DCT: variants seen among roughly 807,000 people sequenced by gnomAD.
DCT encodes L-dopachrome tautomerase.
In DCT, 47 loss-of-function variants were observed where a neutral mutation model predicts 53.0. That is an observed-to-expected ratio of 0.89 (90% CI 0.70 to 1.13). DCT has a LOEUF of 1.13. Ranked by LOEUF, DCT falls within the 50% of genes most tolerant of loss-of-function variation. The pLI is 0.00. For synonymous variants in DCT, 244 were observed against 237.0 expected, an observed-to-expected ratio of 1.03 and a Z score of -0.27; for missense variants, 669 against 637.4, an observed-to-expected ratio of 1.05 and a Z score of -0.53.
chr13:94,477,066 A>G (rs1385529108), intron 1 of DCT, among the ~76,000 whole-genome samples: 1 of 152,208 alleles, frequency 6.6e-6, no homozygotes, highest in Non-Finnish European at 1.5e-5. Flanking sequence ...AAATATTACT[A>G]CAAAATGATT....
At chr13:94,476,429 G>A (rs1885089082) in intron 1 of DCT, among the ~76,000 whole-genome samples, 1 of 149,544 alleles carries the variant, frequency 6.7e-6, no homozygotes, top group Non-Finnish European at 1.5e-5. Context: ...AGGATTCTAT[G>A]CAATGCAGAT....
the DCT span, among the ~76,000 whole-genome samples, chr13:94,499,412 T>C: frequency 6.6e-6 from 1 of 152,084 alleles, no homozygotes; most frequent in Non-Finnish European, 1.5e-5. Flanking sequence ...CATAAAGATA[T>C]ATGCTCCCAT....
At chr13:94,445,015 A>T (rs1882627250) in intron 6 of DCT, among the ~76,000 whole-genome samples, 1 of 152,244 alleles carries the variant, frequency 6.6e-6, no homozygotes, top group South Asian at 2.1e-4. Context: ...TGCAAAGCTT[A>T]GCATACAACC....
At chr13:94,465,114 C>T (rs1480692781) in intron 4 of DCT, among the ~76,000 whole-genome samples, 1 of 152,186 alleles carries the variant, frequency 6.6e-6, no homozygotes, top group Non-Finnish European at 1.5e-5. Context: ...TTTGTGTATA[C>T]ATCTATTACA....
chr13:94,511,562 G>A, the DCT span, among the ~76,000 whole-genome samples: 1 of 151,984 alleles, frequency 6.6e-6, no homozygotes, highest in African/African-American at 2.4e-5. Flanking sequence ...GTTTCACCAT[G>A]TTGGCCAGGC....
the DCT span, among the ~76,000 whole-genome samples, chr13:94,499,277 G>GGTCTGCGGCTTCATTTTTGAA: frequency 6.6e-6 from 1 of 152,140 alleles, no homozygotes; most frequent in Admixed American, 6.5e-5. Context: ...TCACCGTGAA[G>GGTCTGCGGCTTCATTTTTGAA]GTCTGCGGCT....
chr13:94,481,782 G>C (rs1173026500), upstream of DCT, among the ~76,000 whole-genome samples: 1 of 152,154 alleles, frequency 6.6e-6, no homozygotes, highest in East Asian at 1.9e-4. Flanking sequence ...CCCAAGTTGA[G>C]AACTTTTGCT....
chr13:94,520,148 T>G, the DCT span, among the ~76,000 whole-genome samples: 1 of 152,206 alleles, frequency 6.6e-6, no homozygotes, highest in Non-Finnish European at 1.5e-5. Flanking sequence ...GTACTCAGTA[T>G]GCAAAACAAT....
the DCT span, among the ~76,000 whole-genome samples, chr13:94,534,523 C>A: frequency 6.6e-6 from 1 of 152,218 alleles, no homozygotes; most frequent in African/African-American, 2.4e-5. Flanking sequence ...GGTGTGGGAA[C>A]AAGAGCAGCT....
chr13:94,475,824 T>A (rs1885037594), intron 1 of DCT, among the ~76,000 whole-genome samples: 1 of 152,264 alleles, frequency 6.6e-6, no homozygotes, highest in Admixed American at 6.5e-5. Context: ...TTATGTGCAG[T>A]GTTCTGTGTA....
Position 94,456,183 on chromosome 13 carries a change from C to A in DCT, c.1179+3908G>T, listed in dbSNP as rs1285496316. Among the ~76,000 whole-genome samples the A allele has an allele frequency of 6.6e-5, 10 of 152,328 alleles. No homozygotes were observed. The South Asian group carries it at 8.3e-4, about 13-fold the overall frequency. ...GACCATTAATTCAGACTTCTGACAA[C>A]CCCTTCATTTATTGCTACTATGCAA... On this transcript the variant is annotated intron_variant, in intron 6 of 7. Transcript: ENST00000377028.
At chr13:94,472,568 ATTTTTTTTTTTTTTTTTTTT>A (rs869190962) in intron 1 of DCT, among the ~76,000 whole-genome samples, 6 of 15,034 alleles carry the variant, frequency 4.0e-4, no homozygotes, top group Non-Finnish European at 5.0e-4. Context: ...ATATATATAT[ATTTTTTTTTTTTTTTTTTTT>A]TTTTTTTTTT....
the DCT span, among the ~76,000 whole-genome samples, chr13:94,515,847 C>T: frequency 6.6e-6 from 1 of 152,124 alleles, no homozygotes; most frequent in African/African-American, 2.4e-5. Context: ...GCGACGTGAT[C>T]TCCAAGGAAG....
chr13:94,494,310 C>T, the DCT span, among the ~76,000 whole-genome samples: 2 of 152,174 alleles, frequency 1.3e-5, no homozygotes, highest in African/African-American at 4.8e-5. Context: ...ATTGCTTTGT[C>T]ACTATTCCCC....
rs913521450 is a variant in DCT, at chr13:94,468,872, C to T, written c.469G>A (p.Val157Met). 1.9e-6 allele frequency: 3 copies of T among 1,614,036 alleles called. No individual in the cohort carries two copies. Among genetic ancestry groups the T allele is most frequent in the Admixed American group, 3.3e-5 (2 of 59,998 alleles). The change falls in exon 2 of 8, where the codon GTG becomes ATG. Residue 157 changes from valine to methionine, a missense_variant. Physicochemically the swap from Val to Met is conservative, Grantham distance 21. Coordinates refer to ENST00000377028, the MANE Select transcript of DCT (RefSeq NM_001922.5). ...LAKKRVHPDY[V>M]ITTQHWLGLL... is the part of the protein sequence containing the mutation. ...CCCAGCCAGTGTTGTGTGGTGATCACGTAGTCGGGGTGTACTCTCTTCTTC... is the reference window on the plus strand; with the variant it reads ...CCCAGCCAGTGTTGTGTGGTGATCATGTAGTCGGGGTGTACTCTCTTCTTC...
chr13:94,529,183 T>C, the DCT span, among the ~76,000 whole-genome samples: 2 of 152,060 alleles, frequency 1.3e-5, no homozygotes. Context: ...TCCCATACAA[T>C]AATAATAGGA....
At chr13:94,504,167 A>G in the DCT span, among the ~76,000 whole-genome samples, 2 of 152,224 alleles carry the variant, frequency 1.3e-5, no homozygotes, top group African/African-American at 4.8e-5. Flanking sequence ...TGTTTGGCTA[A>G]TGTAATTAAT....
chr13:94,503,295 G>C, the DCT span, among the ~76,000 whole-genome samples: 1 of 151,896 alleles, frequency 6.6e-6, no homozygotes, highest in African/African-American at 2.4e-5. Context: ...TAGGAGGATT[G>C]CCTGAGCCTG....
At chr13:94,518,804 G>T in the DCT span, among the ~76,000 whole-genome samples, 60 of 152,050 alleles carry the variant, frequency 3.9e-4, no homozygotes, top group Admixed American at 9.2e-4. Context: ...GTTCTTCATA[G>T]AATAATGTCC....
Sources: allele counts gnomAD v4.1 joint callset (sites outside exome capture counted in the v4.1 genomes callset), GRCh38; gene constraint gnomAD v4.1.1; transcripts MANE v1.5; gene names NCBI Gene and HGNC (gene_info 2026-07-23, HGNC 2026-07-21).